The following DNAH6 variants were observed in gnomAD, a reference collection of about 807,000 sequenced individuals.
DNAH6 encodes the protein dynein axonemal heavy chain 6, also known as axonemal beta dynein heavy chain 6.
A neutral mutation model predicts 491.4 loss-of-function variants in DNAH6; 340 were observed. The ratio of observed to expected loss-of-function variants is 0.69; its 90% CI spans 0.63 to 0.76. The LOEUF (loss-of-function observed/expected upper bound fraction) is 0.76, where lower values mean the gene tolerates loss of function less well. Among genes scored for constraint, DNAH6 ranks in the 30% least tolerant of loss-of-function variants. The pLI is 0.00. For synonymous variants in DNAH6, 1,603 were observed against 1,686.1 expected (o/e 0.95, Z 1.21); for missense variants, 4,443 against 4,972.2 (o/e 0.89, Z 3.20).
chr2:84,725,415 C>G (rs796253723), intron 60 of DNAH6, among the ~76,000 whole-genome samples: 4 of 152,302 alleles, frequency 2.6e-5, no homozygotes, highest in African/African-American at 9.6e-5. Context: ...GCCATCTGTG[C>G]TGGGTTCAAA....
the DNAH6 span, among the ~76,000 whole-genome samples, chr2:84,498,502 TAAA>T: frequency 4.7e-5 from 7 of 149,836 alleles, no homozygotes; most frequent in African/African-American, 1.7e-4. Context: ...CCTGCTCAAG[TAAA>T]AAAAAAAAAA....
chr2:84,541,129 A>G (rs986349108), intron 4 of DNAH6, among the ~76,000 whole-genome samples: 2 of 152,178 alleles, frequency 1.3e-5, no homozygotes, highest in African/African-American at 4.8e-5. Flanking sequence ...TTTGATCCTG[A>G]GTGCTAAGAA....
chr2:84,767,717 CAGA>C lies in DNAH6; in HGVS notation c.10703+4775_10703+4777del, dbSNP rs1216663650. Among the ~76,000 whole-genome samples, 5 of 151,962 alleles carry C rather than the reference CAGA, an allele frequency of 3.3e-5. 1 individual carries two copies. The highest frequency in any genetic ancestry group is 3.9e-4 in the East Asian group (2 of 5,172). ...ATCTATTAAAGTGTAATTTGAGTCCCAGAAGGAGAGAAGAGTGCAGAATATTTT... is the reference window on the plus strand; with the variant it reads ...ATCTATTAAAGTGTAATTTGAGTCCCAGGAGAGAAGAGTGCAGAATATTTT... On this transcript the variant is annotated intron_variant, in intron 64 of 76. Transcript: ENST00000389394.
chr2:84,800,556 G>A (rs1678787641), intron 70 of DNAH6, among the ~76,000 whole-genome samples: 1 of 152,038 alleles, frequency 6.6e-6, no homozygotes, highest in South Asian at 2.1e-4. Flanking sequence ...TATTAAGAAA[G>A]AACCAAACAG....
At chr2:84,582,772 A>G (rs1476784403) in intron 14 of DNAH6, among the ~76,000 whole-genome samples, 1 of 152,222 alleles carries the variant, frequency 6.6e-6, no homozygotes, top group Non-Finnish European at 1.5e-5. Flanking sequence ...TGTTTTAACA[A>G]GCTTTCCAAG....
In DNAH6 at chr2:84,781,784, G is replaced by A. The variant is rs72924769; in HGVS notation, c.10864+131G>A. The A allele has an allele frequency of 1.7e-4, 195 of 1,155,244 alleles. No homozygotes were observed. In the African/African-American group the frequency reaches 2.8e-3, roughly 17 times the overall value. 71.6% of individuals were successfully genotyped at this position (1,155,244 alleles called of 1,614,324 possible). ...ATATATGAAAGAGGAGAAATTTGAG[G>A]CCTAGACAGATTTAGCTAATTTACA... On this transcript the variant is annotated intron_variant, in intron 65 of 76. Transcript: ENST00000389394.
chr2:84,808,670 C>A, intron 72 of DNAH6, 128 bp downstream of exon 72: 1 of 878,094 alleles, frequency 1.1e-6, no homozygotes, highest in Non-Finnish European at 1.7e-6. Context: ...TCTTCAAGCC[C>A]AATGAGTCTA....
At chr2:84,775,826 A>G (rs1445200239) in intron 64 of DNAH6, among the ~76,000 whole-genome samples, 10 of 151,862 alleles carry the variant, frequency 6.6e-5, no homozygotes. Flanking sequence ...GTCTCTGAGG[A>G]TCTTTTGTAT....
At chr2:84,494,248 A>G in the DNAH6 span, among the ~76,000 whole-genome samples, 2 of 152,198 alleles carry the variant, frequency 1.3e-5, no homozygotes, top group African/African-American at 4.8e-5. Flanking sequence ...TAGTGGTAGC[A>G]TATGAATCAT....
At chr2:84,755,863 G>A (rs1446552647) in intron 63 of DNAH6, among the ~76,000 whole-genome samples, 2 of 152,130 alleles carry the variant, frequency 1.3e-5, no homozygotes, top group Non-Finnish European at 2.9e-5. Flanking sequence ...GGACCCAGTG[G>A]GAGGTAATTG....
chr2:84,752,122 C>G (rs553444770), intron 63 of DNAH6, among the ~76,000 whole-genome samples: 1 of 152,184 alleles, frequency 6.6e-6, no homozygotes, highest in East Asian at 1.9e-4. Flanking sequence ...CTGGTTTTCT[C>G]TGTTGAAAAC....
At chr2:84,703,359 A>G in intron 49 of DNAH6, 36 bp from the exon 50 acceptor site, 1 of 1,426,934 alleles carries the variant, frequency 7.0e-7, no homozygotes. Flanking sequence ...AGAGTTTATA[A>G]TGCTCATTAT....
intron 68 of DNAH6, among the ~76,000 whole-genome samples, chr2:84,791,605 A>T (rs1426960189): frequency 6.6e-6 from 1 of 151,544 alleles, no homozygotes. Flanking sequence ...GATTGCAATG[A>T]TGGTTGGACA....
rs1573738394 is a variant in DNAH6 at position 84,763,713 on chromosome 2, GATGT to G, written c.10703+769_10703+772del. On this transcript the variant is annotated intron_variant, in intron 64 of 76. Coordinates refer to ENST00000389394, the MANE Select transcript of DNAH6 (RefSeq NM_001370.2). ...GTCTCCAGAGAAATAGAACTGATAG[GATGT>G]GTGTGTGTGTGTGTGTGTGTGTGTG... Among the ~76,000 whole-genome samples, 3 of 104,124 alleles carry G rather than the reference GATGT, an allele frequency of 2.9e-5. 1 individual carries two copies. In the South Asian group the frequency reaches 1.1e-3, roughly 38 times the overall value. The allele number at this position is 104,124 out of a possible 152,430, so 68.3% of individuals were successfully genotyped here. A position where few individuals can be genotyped will look rare whatever the true frequency, so the allele number is the denominator to read the frequency against.
chr2:84,608,303 G>A (rs1685977512), intron 21 of DNAH6, among the ~76,000 whole-genome samples: 1 of 7,982 alleles, frequency 1.3e-4, no homozygotes, highest in Non-Finnish European at 6.3e-4. Flanking sequence ...ATGGCATCTA[G>A]AATAATGAGT....
chr2:84,805,854 C>T (rs1476758997), intron 71 of DNAH6, 60 bp downstream of exon 71: 1 of 1,477,376 alleles, frequency 6.8e-7, no homozygotes, highest in Non-Finnish European at 9.1e-7. Flanking sequence ...ACTCAGAGAA[C>T]TGAGTGATAA....
chr2:84,748,130 G>C (rs906302677), intron 63 of DNAH6, among the ~76,000 whole-genome samples: 1 of 152,166 alleles, frequency 6.6e-6, no homozygotes, highest in East Asian at 1.9e-4. Context: ...TGCCTTGAAT[G>C]GTAGCACCTG....
intron 23 of DNAH6, among the ~76,000 whole-genome samples, chr2:84,618,601 G>A (rs545168042): frequency 4.1e-5 from 6 of 147,728 alleles, no homozygotes; most frequent in South Asian, 4.2e-4. Flanking sequence ...AAAAGGACCC[G>A]TGATTGGAAA....
intron 70 of DNAH6, among the ~76,000 whole-genome samples, chr2:84,803,445 T>C (rs1375270659): frequency 6.6e-6 from 1 of 152,104 alleles, no homozygotes; most frequent in Non-Finnish European, 1.5e-5. Flanking sequence ...ACCCTCTGAA[T>C]CTAAAATGTT....
Sources: allele counts gnomAD v4.1 joint callset (sites outside exome capture counted in the v4.1 genomes callset), GRCh38; gene constraint gnomAD v4.1.1; transcripts MANE v1.5; gene names NCBI Gene and HGNC (gene_info 2026-07-23, HGNC 2026-07-21).